DHDH: variants seen among roughly 807,000 people sequenced by gnomAD.
DHDH encodes the protein dihydrodiol dehydrogenase, also known as trans-1,2-dihydrobenzene-1,2-diol dehydrogenase.
In DHDH, 29 loss-of-function variants were observed where a neutral mutation model predicts 33.2. That is an observed-to-expected ratio of 0.87 (90% confidence interval 0.65 to 1.19). The LOEUF (loss-of-function observed/expected upper bound fraction) is 1.19, where lower values mean the gene tolerates loss of function less well. DHDH is among the 50% of genes most tolerant of loss of function. The pLI, the probability that DHDH is intolerant of heterozygous loss-of-function variation, is 0.00. For missense variants in DHDH, 431 were observed against 455.0 expected, an observed-to-expected ratio of 0.95 and a Z score of 0.48; for synonymous variants, 201 against 187.9, an observed-to-expected ratio of 1.07 and a Z score of -0.57.
upstream of DHDH, chr19:48,933,640 C>A (rs994155068): frequency 1.6e-4 from 219 of 1,384,324 alleles, no homozygotes; most frequent in Non-Finnish European, 2.0e-4. Flanking sequence ...GGATGGGGAC[C>A]CGCCCCCGGG....
rs148948789 is a variant in DHDH at position 48,944,940 on chromosome 19, C to T, written c.*7C>T. 12,470 of 1,611,214 alleles carry T rather than the reference C, an allele frequency of 7.7e-3. 70 individuals are homozygous for T. Among genetic ancestry groups the T allele is most frequent in the Middle Eastern group, 0.023 (140 of 6,052 alleles). ...CCCCCAAGACAAACGCTGATGTATCCCCGAATAAATAAAGACATCTTACAT... is the reference window on the plus strand; with the variant it reads ...CCCCCAAGACAAACGCTGATGTATCTCCGAATAAATAAAGACATCTTACAT... On this transcript the variant is annotated 3_prime_UTR_variant, in exon 7 of 7. Transcript: ENST00000221403.
chr19:48,940,879 G>C (rs532463717), intron 4 of DHDH, among the ~76,000 whole-genome samples: 2 of 151,710 alleles, frequency 1.3e-5, no homozygotes, highest in East Asian at 3.9e-4. Flanking sequence ...ACAGAGTCTC[G>C]CTATATTGCC....
chr19:48,939,598 G>GT lies in DHDH; in HGVS notation c.516_517insT (p.Ala173CysfsTer33). On this transcript the variant is annotated frameshift_variant, in exon 4 of 7. Transcript: ENST00000221403. LOFTEE classifies it high-confidence loss of function. ...CCGTAGACCGGGCCCAGGCTGGGGG[G>GT]GCCCTGCTGGACATCGGCATCTACT... is the stretch of plus-strand genomic sequence containing the variant. 1 of 1,614,056 alleles carries GT rather than the reference G, an allele frequency of 6.2e-7. No homozygotes were observed.
intron 3 of DHDH, among the ~76,000 whole-genome samples, chr19:48,936,475 G>T (rs1270174073): frequency 9.2e-5 from 14 of 151,906 alleles, no homozygotes; most frequent in Non-Finnish European, 1.5e-4. Context: ...GGCGGGCGGA[G>T]CACGGGGTCA....
At chr19:48,943,662 C>T (rs1408847171) in intron 5 of DHDH, among the ~76,000 whole-genome samples, 1 of 152,000 alleles carries the variant, frequency 6.6e-6, no homozygotes, top group Non-Finnish European at 1.5e-5. Flanking sequence ...CCTGTCTCTA[C>T]TAAAAATGCA....
intron 2 of DHDH, 119 bp downstream of exon 2, chr19:48,935,230 C>T (rs570300576): frequency 2.8e-6 from 2 of 722,246 alleles, no homozygotes; most frequent in East Asian, 3.3e-5. Flanking sequence ...TCCATAAAGA[C>T]CTTTGGCTGG....
Position 48,936,023 on chromosome 19 carries a change from C to A in DHDH, c.203-9C>A. 1 of 1,591,172 alleles carries A rather than the reference C, an allele frequency of 6.3e-7. No individual in the cohort carries two copies. The highest frequency in any genetic ancestry group is 8.5e-7 in the Non-Finnish European group (1 of 1,170,596). On this transcript the variant is annotated splice_polypyrimidine_tract_variant and intron_variant, in intron 2 of 6. Transcript: ENST00000221403. Reference sequence around the variant, plus strand: ...GGGCTGCTGACCTCTTGACCTACTCCCACCCTAGAGGTGGCCTACATTGGC... The same window carrying A: ...GGGCTGCTGACCTCTTGACCTACTCACACCCTAGAGGTGGCCTACATTGGC...
chr19:48,936,394 A>G (rs966997884), intron 3 of DHDH, among the ~76,000 whole-genome samples, 199 bp downstream of exon 3: 49 of 152,226 alleles, frequency 3.2e-4, no homozygotes, highest in African/African-American at 1.1e-3. Context: ...ATCTTTTGTC[A>G]GTCTTTAAGA....
At chr19:48,933,845 GGC>G (rs745385457) in intron 1 of DHDH, 34 bp downstream of exon 1, 1 of 1,590,732 alleles carries the variant, frequency 6.3e-7, no homozygotes, top group Non-Finnish European at 8.5e-7. Flanking sequence ...GGGAAGAGGA[GGC>G]GGGGGGCGGG....
At chr19:48,937,897 T>C (rs1041594887) in intron 3 of DHDH, among the ~76,000 whole-genome samples, 4 of 151,702 alleles carry the variant, frequency 2.6e-5, no homozygotes, top group African/African-American at 7.3e-5. Flanking sequence ...TGACATTCTT[T>C]CTCTGGGCTC....
At chr19:48,937,628 C>T (rs1012546999) in intron 3 of DHDH, among the ~76,000 whole-genome samples, 2 of 151,564 alleles carry the variant, frequency 1.3e-5, no homozygotes, top group African/African-American at 4.8e-5. Context: ...CTGTCTAACA[C>T]AGTGAAACCC....
At chr19:48,934,545 A>G (rs2122241212) in intron 1 of DHDH, among the ~76,000 whole-genome samples, 1 of 152,170 alleles carries the variant, frequency 6.6e-6, no homozygotes, top group South Asian at 2.1e-4. Context: ...GAGAAAACCT[A>G]CCTGTGGCTG....
At chr19:48,943,395 A>C (rs953122198) in intron 5 of DHDH, among the ~76,000 whole-genome samples, 3 of 151,990 alleles carry the variant, frequency 2.0e-5, no homozygotes, top group Admixed American at 1.3e-4. Flanking sequence ...GAAAAAAAAA[A>C]AACCCTATTT....
At chr19:48,938,849 G>T (rs1367155736) in intron 3 of DHDH, among the ~76,000 whole-genome samples, 18 of 151,950 alleles carry the variant, frequency 1.2e-4, no homozygotes, top group Non-Finnish European at 2.6e-4. Flanking sequence ...GGGTTTCACC[G>T]TGTTGGCCAG....
intron 6 of DHDH, 34 bp from the exon 7 acceptor site, chr19:48,944,790 G>A (rs1280195182): frequency 3.2e-6 from 5 of 1,585,716 alleles, no homozygotes; most frequent in African/African-American, 1.3e-5. Context: ...GGGCGCGTGG[G>A]TAGGAGGGGT....
intron 3 of DHDH, among the ~76,000 whole-genome samples, chr19:48,939,067 G>A (rs1021872775): frequency 5.9e-5 from 9 of 152,112 alleles, no homozygotes; most frequent in African/African-American, 2.2e-4. Context: ...AATTGTGTTT[G>A]GCAGGGCAGA....
upstream of DHDH, among the ~76,000 whole-genome samples, chr19:48,933,342 A>C (rs1311494547): frequency 6.6e-6 from 1 of 152,172 alleles, no homozygotes; most frequent in Non-Finnish European, 1.5e-5. Flanking sequence ...AGAGCAAAAA[A>C]GTCAGGGCAA....
intron 4 of DHDH, among the ~76,000 whole-genome samples, chr19:48,941,368 T>C (rs1206281897): frequency 6.6e-6 from 1 of 152,156 alleles, no homozygotes; most frequent in Admixed American, 6.6e-5. Flanking sequence ...TTTTCAGAGA[T>C]GGGCAAATAG....
Position 48,935,035 on chromosome 19 carries a change from G to A in DHDH, c.126G>A (p.Ala42=), listed in dbSNP as rs1223067291. 3 of 1,588,136 alleles carry A rather than the reference G, an allele frequency of 1.9e-6. No homozygotes were observed. The highest frequency in any genetic ancestry group is 2.7e-5 in the African/African-American group (2 of 74,390). The stretch of plus-strand genomic sequence containing the variant: ...TGGCGGCCCGCGATCTGAGCCGTGC[G>A]AAGGAGTTTGCACAGAAACACGACA... ...VAVAARDLSR[A]KEFAQKHDIP... The change falls in exon 2 of 7, where the codon GCG becomes GCA. Residue 42 remains alanine (A), a synonymous_variant. Coordinates refer to ENST00000221403, the MANE Select transcript of DHDH (RefSeq NM_014475.4).
Sources: gnomAD v4.1 joint callset for allele counts (sites outside exome capture counted in the v4.1 genomes callset) on GRCh38, gnomAD v4.1.1 for gene constraint, MANE v1.5 for transcripts, NCBI Gene and HGNC (gene_info 2026-07-23, HGNC 2026-07-21) for gene names.